The following GRID2 variants were observed in gnomAD, a reference collection of about 807,000 sequenced individuals.
GRID2 encodes glutamate ionotropic receptor delta type subunit 2.
Under a neutral mutation model 114.8 loss-of-function variants are expected in GRID2, and 33 were observed. The observed-to-expected ratio is 0.29, with a 90% CI of 0.22 to 0.38. The LOEUF (loss-of-function observed/expected upper bound fraction) is 0.38, where lower values mean the gene tolerates loss of function less well. Among genes scored for constraint, GRID2 ranks in the 10% least tolerant of loss-of-function variants. The pLI is 1.00. For synonymous variants in GRID2, 505 were observed against 449.9 expected (o/e 1.12, Z -1.55); for missense variants, 1,184 against 1,257.7 (o/e 0.94, Z 0.89).
chr4:93,042,611 C>T (rs888064458), intron 2 of GRID2, among the ~76,000 whole-genome samples: 2 of 128,108 alleles, frequency 1.6e-5, no homozygotes, highest in African/African-American at 2.8e-5. Context: ...TGAATCTTTT[C>T]TCTCTCTCTC....
At chr4:92,853,426 C>T (rs1369136111) in intron 2 of GRID2, among the ~76,000 whole-genome samples, 2 of 151,866 alleles carry the variant, frequency 1.3e-5, no homozygotes, top group Non-Finnish European at 2.9e-5. Flanking sequence ...TGACTTTCTC[C>T]AATCTCATAG....
chr4:93,637,485 G>T (rs1432260105), intron 14 of GRID2, among the ~76,000 whole-genome samples: 1 of 152,160 alleles, frequency 6.6e-6, no homozygotes, highest in Non-Finnish European at 1.5e-5. Context: ...GCTGGAAAAG[G>T]ATAATAAGGA....
In GRID2 at chr4:93,275,507, C is replaced by A. The variant is rs1335685859; in HGVS notation, c.1245+37017C>A. Among the ~76,000 whole-genome samples the A allele has an allele frequency of 4.0e-5, 6 of 151,626 alleles. No individual in the cohort carries two copies. The East Asian group carries it at 1.2e-3, about 29-fold the overall frequency. ...ACTCTATGTTTACCACTTTCAGGAA[C>A]TACCAAGTTAGTTTCCAAAGTGACC... On this transcript the variant is annotated intron_variant, in intron 8 of 15. Coordinates refer to ENST00000282020, the MANE Select transcript of GRID2 (RefSeq NM_001510.4).
chr4:93,593,120 T>G (rs2149619320), intron 13 of GRID2, among the ~76,000 whole-genome samples: 1 of 152,188 alleles, frequency 6.6e-6, no homozygotes, highest in African/African-American at 2.4e-5. Context: ...CTGGTTATTT[T>G]GCTTGTTAGT....
chr4:92,318,431 C>T (rs1372785834), intron 1 of GRID2, among the ~76,000 whole-genome samples: 2 of 148,746 alleles, frequency 1.3e-5, no homozygotes, highest in Non-Finnish European at 3.0e-5. Context: ...TAGGCCCCTC[C>T]ATCAGGTAGG....
chr4:92,866,080 A>G (rs1444057217), intron 2 of GRID2, among the ~76,000 whole-genome samples: 1 of 152,178 alleles, frequency 6.6e-6, no homozygotes, highest in Non-Finnish European at 1.5e-5. Flanking sequence ...ATCATGGCCT[A>G]CCTGAAAAAC....
intron 2 of GRID2, among the ~76,000 whole-genome samples, chr4:92,984,928 G>A (rs1400863139): frequency 6.6e-6 from 1 of 151,772 alleles, no homozygotes; most frequent in Non-Finnish European, 1.5e-5. Flanking sequence ...ACTGCTTCTT[G>A]GTAGGACTAC....
intron 4 of GRID2, among the ~76,000 whole-genome samples, chr4:93,170,067 A>G (rs938264394): frequency 6.6e-6 from 1 of 152,156 alleles, no homozygotes; most frequent in Non-Finnish European, 1.5e-5. Context: ...AAGTAAAACA[A>G]ACTTCACATC....
At position 92,456,745 on chromosome 4, in the gene GRID2, A is replaced by G. The variant is rs74376454; in HGVS notation, c.89-133386A>G. ...ATTACAGCAATATACAAGCTACTGT[A>G]TATTAGTAGGGAACACAGGTTCCAT... is the stretch of plus-strand genomic sequence containing the variant. On this transcript the variant is annotated intron_variant, in intron 1 of 15. Transcript: ENST00000282020. 9.2e-4 allele frequency among the ~76,000 whole-genome samples: 140 copies of G among 152,222 alleles called. No homozygotes were observed. The East Asian group carries it at 0.022, about 24-fold the overall frequency.
chr4:93,183,229 G>A (rs185175322), intron 4 of GRID2, among the ~76,000 whole-genome samples: 60 of 151,956 alleles, frequency 3.9e-4, no homozygotes, highest in Admixed American at 1.5e-3. Context: ...ATCCATTTGG[G>A]TAAAATTTTT....
intron 1 of GRID2, among the ~76,000 whole-genome samples, chr4:92,473,538 A>G (rs969115776): frequency 1.3e-5 from 2 of 152,046 alleles, no homozygotes; most frequent in Non-Finnish European, 2.9e-5. Flanking sequence ...TTAAGCGTAA[A>G]GTTAGATGTA....
chr4:92,617,599 C>T (rs1730063134), intron 2 of GRID2, among the ~76,000 whole-genome samples: 1 of 151,600 alleles, frequency 6.6e-6, no homozygotes, highest in Non-Finnish European at 1.5e-5. Context: ...ATTTTTTATC[C>T]AGTAATCTGT....
At chr4:93,241,816 A>AT (rs2149517315) in intron 8 of GRID2, among the ~76,000 whole-genome samples, 1 of 151,846 alleles carries the variant, frequency 6.6e-6, no homozygotes, top group South Asian at 2.1e-4. Context: ...AAAAAAAAAA[A>AT]AGTGAGTATG....
rs552752342 is a variant in GRID2, at chr4:92,721,259, A to AT, written c.244+130974dup. 1.0e-3 allele frequency among the ~76,000 whole-genome samples: 158 copies of AT among 152,196 alleles called. 4 individuals are homozygous for AT. Among genetic ancestry groups the AT allele is most frequent in the African/African-American group, 3.5e-3 (147 of 41,556 alleles). ...CTGTTATAAAATGTGAATATGCTTAATGTCACTAAGCTGTACACCTAAAAG... is the reference window on the plus strand; with the variant it reads ...CTGTTATAAAATGTGAATATGCTTAATTGTCACTAAGCTGTACACCTAAAAG... On this transcript the variant is annotated intron_variant, in intron 2 of 15. Coordinates refer to ENST00000282020, the MANE Select transcript of GRID2 (RefSeq NM_001510.4).
chr4:92,442,795 A>G (rs1254696451), intron 1 of GRID2, among the ~76,000 whole-genome samples: 1 of 152,120 alleles, frequency 6.6e-6, no homozygotes, highest in Non-Finnish European at 1.5e-5. Flanking sequence ...CCTAAACGCT[A>G]TCTGATTTGG....
rs558213945 is a variant in GRID2 at position 93,146,504 on chromosome 4, GTTCAAA to G, written c.735+35557_735+35562del. 5.2e-3 allele frequency among the ~76,000 whole-genome samples: 793 copies of G among 152,106 alleles called. 3 individuals are homozygous for G. The highest frequency in any genetic ancestry group is 7.4e-3 in the Non-Finnish European group (500 of 67,992). ...GTGATCTTCTTAAAATGGAATTTACGTTCAAATTCAATGGACCCATGTGCACAAAGA... is the reference window on the plus strand; with the variant it reads ...GTGATCTTCTTAAAATGGAATTTACGTTCAATGGACCCATGTGCACAAAGA... On this transcript the variant is annotated intron_variant, in intron 4 of 15. Coordinates refer to ENST00000282020, the MANE Select transcript of GRID2 (RefSeq NM_001510.4).
intron 8 of GRID2, among the ~76,000 whole-genome samples, chr4:93,277,584 A>T (rs1752191059): frequency 6.6e-6 from 1 of 151,998 alleles, no homozygotes. Context: ...TGATTATTTT[A>T]AAATGCACCT....
At chr4:92,717,109 G>A (rs1426759216) in intron 2 of GRID2, among the ~76,000 whole-genome samples, 1 of 152,094 alleles carries the variant, frequency 6.6e-6, no homozygotes, top group African/African-American at 2.4e-5. Flanking sequence ...TTGAATGCAT[G>A]GCAATGTGAA....
At chr4:93,307,206 A>G (rs572405798) in intron 8 of GRID2, among the ~76,000 whole-genome samples, 42 of 150,456 alleles carry the variant, frequency 2.8e-4, no homozygotes, top group African/African-American at 1.0e-3. Context: ...CGTCTCAGAA[A>G]GAAAAAAATA....
Sources: allele counts gnomAD v4.1 joint callset (sites outside exome capture counted in the v4.1 genomes callset), GRCh38; gene constraint gnomAD v4.1.1; transcripts MANE v1.5; gene names NCBI Gene and HGNC (gene_info 2026-07-23, HGNC 2026-07-21).